Variants in NPHP1 observed in about 807,000 individuals in gnomAD.
The protein encoded by NPHP1 is nephrocystin-1.
NPHP1 carries 70 observed loss-of-function variants against 90.4 expected under a neutral mutation model. The ratio of observed to expected loss-of-function variants is 0.77; its 90% confidence interval spans 0.64 to 0.95. NPHP1 has a LOEUF of 0.95. NPHP1 is among the 40% of genes least tolerant of loss of function. NPHP1 has a pLI of 0.00. For missense variants in NPHP1, 764 were observed against 795.9 expected, an observed-to-expected ratio of 0.96 and a Z score of 0.48; for synonymous variants, 256 against 271.7, an observed-to-expected ratio of 0.94 and a Z score of 0.57.
chr2:110,174,466 G>A (rs970437240), intron 4 of NPHP1, among the ~76,000 whole-genome samples: 1 of 152,120 alleles, frequency 6.6e-6, no homozygotes, highest in Admixed American at 6.5e-5. Flanking sequence ...TTTCACCAAA[G>A]ATAAAATAAC....
chr2:110,125,716 G>C (rs763367405), intron 18 of NPHP1, 35 bp from the exon 19 acceptor site: 4 of 1,569,672 alleles, frequency 2.5e-6, no homozygotes, highest in Admixed American at 3.3e-5. Context: ...GTTAGTCCAA[G>C]TAGTAACAAG....
At chr2:110,149,752 T>G (rs540460937) in intron 12 of NPHP1, among the ~76,000 whole-genome samples, 1 of 152,164 alleles carries the variant, frequency 6.6e-6, no homozygotes, top group Non-Finnish European at 1.5e-5. Flanking sequence ...CCTACGTCTA[T>G]GCAATGCTGA....
At chr2:110,201,840 G>C (rs1270991452) in intron 1 of NPHP1, among the ~76,000 whole-genome samples, 2 of 152,098 alleles carry the variant, frequency 1.3e-5, no homozygotes, top group East Asian at 3.8e-4. Flanking sequence ...TACATTTGCT[G>C]AGTTTCGACA....
In NPHP1 at chr2:110,169,972, T is replaced by C. The variant is rs745835094; in HGVS notation, c.356A>G (p.Glu119Gly). The change falls in exon 5 of 20, where the codon GAA (glutamate) becomes GGA (glycine). Residue 119 changes from glutamate to glycine, a missense_variant. By Grantham distance (98) the Glu-to-Gly change is moderately conservative. Transcript: ENST00000445609. The part of the protein sequence containing the change: ...TEVGAPTEEE[E>G]ESESEDSEDS... ...TTCACTATCTTCACTTTCACTTTCT[T>C]CCTCTTCTTCAGTAGGTGCCCCAAC... 1.2e-6 allele frequency: 2 copies of C among 1,611,688 alleles called. No homozygotes were observed. Among genetic ancestry groups the C allele is most frequent in the Admixed American group, 3.3e-5 (2 of 59,990 alleles).
chr2:110,132,981 G>C (rs1320095275), intron 16 of NPHP1, among the ~76,000 whole-genome samples: 1 of 151,976 alleles, frequency 6.6e-6, no homozygotes, highest in African/African-American at 2.4e-5. Context: ...ATCAGTGAGG[G>C]AGGAAATTAA....
At chr2:110,173,810 A>G (rs2104593733) in intron 4 of NPHP1, among the ~76,000 whole-genome samples, 1 of 152,244 alleles carries the variant, frequency 6.6e-6, no homozygotes, top group East Asian at 1.9e-4. Context: ...TTGACTATAC[A>G]TGTAATTAGA....
chr2:110,168,814 T>C (rs1287961080), intron 5 of NPHP1, among the ~76,000 whole-genome samples: 1 of 152,130 alleles, frequency 6.6e-6, no homozygotes, highest in African/African-American at 2.4e-5. Flanking sequence ...TTTATGCAAA[T>C]GGGAACCATT....
intron 10 of NPHP1, among the ~76,000 whole-genome samples, chr2:110,161,205 A>G (rs1682295697): frequency 6.6e-6 from 1 of 152,106 alleles, no homozygotes; most frequent in East Asian, 1.9e-4. Flanking sequence ...TATAAATGAT[A>G]ATAATGGCTA....
chr2:110,189,069 A>G (rs908951810), intron 2 of NPHP1, among the ~76,000 whole-genome samples: 5 of 152,200 alleles, frequency 3.3e-5, no homozygotes, highest in African/African-American at 1.2e-4. Flanking sequence ...AAGCAATAGC[A>G]TTCAGGACAT....
intron 1 of NPHP1, 50 bp from the exon 2 acceptor site, chr2:110,201,544 G>T (rs1378621249): frequency 1.5e-6 from 2 of 1,315,712 alleles, no homozygotes; most frequent in East Asian, 2.3e-5. Flanking sequence ...TATCGCCTTA[G>T]GAAAGAAAAC....
chr2:110,126,007 T>C (rs1357923084), intron 18 of NPHP1: 2 of 361,492 alleles, frequency 5.5e-6, no homozygotes, highest in Non-Finnish European at 1.0e-5. Flanking sequence ...AGTATTAAGC[T>C]TTCCAAGTAA....
At chr2:110,160,530 A>G (rs1282763571) in intron 10 of NPHP1, among the ~76,000 whole-genome samples, 1 of 152,220 alleles carries the variant, frequency 6.6e-6, no homozygotes, top group Non-Finnish European at 1.5e-5. Flanking sequence ...CAAAATGTAT[A>G]TGATCTATGA....
intron 9 of NPHP1, among the ~76,000 whole-genome samples, 182 bp downstream of exon 9, chr2:110,162,866 G>T (rs1021502897): frequency 6.6e-6 from 1 of 152,142 alleles, no homozygotes; most frequent in African/African-American, 2.4e-5. Context: ...AAACAGGCTG[G>T]CCTCTGATAG....
intron 6 of NPHP1, among the ~76,000 whole-genome samples, chr2:110,165,984 T>C (rs1367763900): frequency 6.6e-6 from 1 of 152,178 alleles, no homozygotes; most frequent in Non-Finnish European, 1.5e-5. Flanking sequence ...CAAATGGTCA[T>C]AAAGCATATG....
chr2:110,131,866 C>A, intron 16 of NPHP1, 75 bp from the exon 17 acceptor site: 2 of 979,680 alleles, frequency 2.0e-6, no homozygotes, highest in Non-Finnish European at 3.2e-6. Context: ...ATGTATATTA[C>A]TTTAATAAAC....
chr2:110,193,915 C>A (rs957221788), intron 2 of NPHP1, among the ~76,000 whole-genome samples: 6 of 152,014 alleles, frequency 3.9e-5, no homozygotes, highest in African/African-American at 1.2e-4. Context: ...CTACTGGATA[C>A]ATAACGAAAT....
At chr2:110,183,330 T>A (rs1373085803) in intron 2 of NPHP1, among the ~76,000 whole-genome samples, 2 of 152,130 alleles carry the variant, frequency 1.3e-5, no homozygotes, top group Non-Finnish European at 2.9e-5. Flanking sequence ...CCACAAACAA[T>A]AGCATGAGCG....
At chr2:110,153,878 G>A (rs1330201752) in intron 11 of NPHP1, among the ~76,000 whole-genome samples, 1 of 151,990 alleles carries the variant, frequency 6.6e-6, no homozygotes, top group Non-Finnish European at 1.5e-5. Context: ...AGCTACTAGA[G>A]AGGGTGAGGC....
intron 16 of NPHP1, among the ~76,000 whole-genome samples, chr2:110,137,992 G>A (rs1304809290): frequency 1.3e-5 from 2 of 151,678 alleles, no homozygotes; most frequent in Non-Finnish European, 2.9e-5. Context: ...ATACTATGCA[G>A]CCATAAAAAA....
Sources: gnomAD v4.1 joint callset for allele counts (sites outside exome capture counted in the v4.1 genomes callset) on GRCh38, gnomAD v4.1.1 for gene constraint, MANE v1.5 for transcripts, NCBI Gene and HGNC (gene_info 2026-07-23, HGNC 2026-07-21) for gene names.